Variants in KCNIP1 observed in about 807,000 individuals in gnomAD.
KCNIP1 encodes A-type potassium channel modulatory protein KCNIP1.
In KCNIP1, 18 loss-of-function variants were observed where a neutral mutation model predicts 33.0. The observed-to-expected ratio is 0.55, with a 90% confidence interval of 0.38 to 0.81. KCNIP1 has a LOEUF of 0.81. KCNIP1 is among the 30% of genes least tolerant of loss of function. The pLI, the probability that KCNIP1 is intolerant of heterozygous loss-of-function variation, is 0.00. For missense variants in KCNIP1, 238 were observed against 271.6 expected (o/e 0.88, Z 0.87); for synonymous variants, 93 against 98.3 (o/e 0.95, Z 0.32).
intron 1 of KCNIP1, chr5:170,484,264 G>A (rs1241350112): frequency 6.6e-6 from 1 of 152,344 alleles, no homozygotes; most frequent in Non-Finnish European, 1.5e-5. Context: ...CCCAGAGGTT[G>A]TGGCAGCCAG....
At chr5:170,565,778 C>A (rs139707202) in intron 1 of KCNIP1, among the ~76,000 whole-genome samples, 1 of 152,068 alleles carries the variant, frequency 6.6e-6, no homozygotes, top group Non-Finnish European at 1.5e-5. Context: ...TATTCATCTG[C>A]GAAATGGAAG....
chr5:170,545,381 G>C (rs904521351), intron 1 of KCNIP1, among the ~76,000 whole-genome samples: 2 of 152,036 alleles, frequency 1.3e-5, no homozygotes, highest in Non-Finnish European at 2.9e-5. Context: ...TGGAGGGCTT[G>C]GTGGGCTTCT....
chr5:170,653,166 C>T (rs1258545051), intron 1 of KCNIP1, among the ~76,000 whole-genome samples: 1 of 152,190 alleles, frequency 6.6e-6, no homozygotes, highest in Non-Finnish European at 1.5e-5. Flanking sequence ...CTATGAACCC[C>T]ATTCCTTTCA....
At chr5:170,386,853 T>C (rs1212542818) in intron 1 of KCNIP1, among the ~76,000 whole-genome samples, 1 of 152,086 alleles carries the variant, frequency 6.6e-6, no homozygotes, top group Non-Finnish European at 1.5e-5. Context: ...CTCCTCTTTC[T>C]TTAGGCAGCA....
intron 1 of KCNIP1, among the ~76,000 whole-genome samples, chr5:170,458,882 T>C (rs1756447494): frequency 6.6e-6 from 1 of 152,190 alleles, no homozygotes; most frequent in Non-Finnish European, 1.5e-5. Context: ...TGAATGTAAA[T>C]GGCCTACATG....
chr5:170,435,735 C>T (rs1005919855), intron 1 of KCNIP1, among the ~76,000 whole-genome samples: 4 of 152,206 alleles, frequency 2.6e-5, no homozygotes, highest in Non-Finnish European at 4.4e-5. Flanking sequence ...TGAGGGACCA[C>T]GTGCACGGAG....
intron 1 of KCNIP1, among the ~76,000 whole-genome samples, chr5:170,366,750 G>A (rs1474160446): frequency 2.0e-5 from 3 of 152,204 alleles, no homozygotes; most frequent in Admixed American, 2.0e-4. Flanking sequence ...TGGGGGCACA[G>A]GGATGGAGGG....
chr5:170,639,713 G>C (rs1760459905), intron 1 of KCNIP1, among the ~76,000 whole-genome samples: 1 of 152,026 alleles, frequency 6.6e-6, no homozygotes, highest in Non-Finnish European at 1.5e-5. Flanking sequence ...GTCTCCCCCT[G>C]CCCCCATCAC....
intron 1 of KCNIP1, among the ~76,000 whole-genome samples, chr5:170,542,007 A>G (rs1756228247): frequency 6.6e-6 from 1 of 152,176 alleles, no homozygotes; most frequent in Admixed American, 6.5e-5. Context: ...GATGGGGAAA[A>G]TGCTCACTGC....
chr5:170,683,231 A>T lies in KCNIP1; in HGVS notation c.62-35527A>T, dbSNP rs561186339. 4.2e-4 allele frequency among the ~76,000 whole-genome samples: 64 copies of T among 152,354 alleles called. 2 individuals carry two copies. The South Asian group carries it at 9.7e-3, about 23-fold the overall frequency. On this transcript the variant is annotated intron_variant, in intron 1 of 7. Transcript: ENST00000328939. The stretch of plus-strand genomic sequence containing the variant: ...CAGGTACAGTGCTAAGTGCCTTTAT[A>T]TACATGAGTTAATATAAACCTCAAA...
Position 170,735,755 on chromosome 5 carries a change from C to T in KCNIP1, c.604-4C>T. 3.1e-6 allele frequency: 5 copies of T among 1,613,604 alleles called. No individual in the cohort carries two copies. The highest frequency in any genetic ancestry group is 4.2e-6 in the Non-Finnish European group (5 of 1,179,712). ...CTAACCCTCTTGCCCTCCTTTTTTC[C>T]CAGGACGACAACATCATGAGGTCTC... On this transcript the variant is annotated splice_region_variant and splice_polypyrimidine_tract_variant and intron_variant, in intron 7 of 7. Transcript: ENST00000328939.
intron 1 of KCNIP1, among the ~76,000 whole-genome samples, chr5:170,364,842 T>C (rs2071361798): frequency 6.6e-6 from 1 of 152,238 alleles, no homozygotes; most frequent in Non-Finnish European, 1.5e-5. Context: ...ATGGCCTGAT[T>C]ATCACAGTCA....
At chr5:170,548,937 A>G (rs1201628668) in intron 1 of KCNIP1, among the ~76,000 whole-genome samples, 1 of 152,150 alleles carries the variant, frequency 6.6e-6, no homozygotes, top group African/African-American at 2.4e-5. Flanking sequence ...ACCTCTTTAG[A>G]TGGGAGAACC....
intron 1 of KCNIP1, among the ~76,000 whole-genome samples, chr5:170,598,611 CTT>C (rs1222589218): frequency 6.6e-6 from 1 of 152,274 alleles, no homozygotes; most frequent in Non-Finnish European, 1.5e-5. Context: ...GCTCAGGAAA[CTT>C]TTATCCAAAG....
At position 170,736,328 on chromosome 5, in the gene KCNIP1, C is replaced by G. The variant is rs1764387936; in HGVS notation, c.*522C>G. On this transcript the variant is annotated 3_prime_UTR_variant, in exon 8 of 8. Coordinates refer to ENST00000328939, the MANE Select transcript of KCNIP1 (RefSeq NM_014592.4). ...CATGACCAGATTGGGAGAGCCAGCACCTAACATATGTGGGATAGGACTGAA... is the reference window on the plus strand; with the variant it reads ...CATGACCAGATTGGGAGAGCCAGCAGCTAACATATGTGGGATAGGACTGAA... The G allele has an allele frequency of 6.5e-6, 1 of 154,148 alleles. No individual in the cohort carries two copies. Among genetic ancestry groups the G allele is most frequent in the Non-Finnish European group, 1.4e-5 (1 of 69,058 alleles). 9.5% of individuals were successfully genotyped at this position (154,148 alleles called of 1,614,324 possible). A position where few individuals can be genotyped will look rare whatever the true frequency, so the allele number is the denominator to read the frequency against.
In KCNIP1 at chr5:170,463,302, G is replaced by A. The variant is rs544023645; in HGVS notation, c.88+109338G>A. Among the ~76,000 whole-genome samples, 21 of 152,286 alleles carry A rather than the reference G, an allele frequency of 1.4e-4. No individual in the cohort carries two copies. The South Asian group carries it at 2.7e-3, about 20-fold the overall frequency. On this transcript the variant is annotated intron_variant, in intron 1 of 7. Transcript: ENST00000377360. Reference sequence around the variant, plus strand: ...CAAAGTCTTCTAAAATGTAGAAGAAGAGGGGACATTTTCCATTTCATTTTG... The same window carrying A: ...CAAAGTCTTCTAAAATGTAGAAGAAAAGGGGACATTTTCCATTTCATTTTG...
At chr5:170,608,675 G>A (rs1010398407) in intron 1 of KCNIP1, among the ~76,000 whole-genome samples, 1 of 152,022 alleles carries the variant, frequency 6.6e-6, no homozygotes, top group South Asian at 2.1e-4. Context: ...GGGAGGCTGA[G>A]GTAGGAGAAT....
chr5:170,705,193 C>T (rs1309671486), intron 1 of KCNIP1, among the ~76,000 whole-genome samples: 1 of 152,138 alleles, frequency 6.6e-6, no homozygotes, highest in African/African-American at 2.4e-5. Context: ...ACAATCAAAG[C>T]TGAATAACTT....
At chr5:170,561,211 A>G (rs1335707319) in intron 1 of KCNIP1, 1 of 435,378 alleles carries the variant, frequency 2.3e-6, no homozygotes, top group Non-Finnish European at 4.7e-6. Flanking sequence ...TGACATTTAA[A>G]TGTCAATTAG....
Sources: allele counts gnomAD v4.1 joint callset (sites outside exome capture counted in the v4.1 genomes callset), GRCh38; gene constraint gnomAD v4.1.1; transcripts MANE v1.5; gene names NCBI Gene and HGNC (gene_info 2026-07-23, HGNC 2026-07-21).